The following ACTR3 variants were observed in gnomAD, a reference collection of about 807,000 sequenced individuals.
ACTR3 encodes the protein actin related protein 3.
ACTR3 carries 12 observed loss-of-function variants against 56.8 expected under a neutral mutation model. The ratio of observed to expected loss-of-function variants is 0.21; its 90% CI spans 0.14 to 0.34. ACTR3 has a LOEUF of 0.34. ACTR3 is among the 10% of genes least tolerant of loss of function. ACTR3 has a pLI of 1.00. For synonymous variants in ACTR3, 162 were observed against 167.4 expected (o/e 0.97, Z 0.25); for missense variants, 282 against 512.5 (o/e 0.55, Z 4.34).
intron 3 of ACTR3, among the ~76,000 whole-genome samples, chr2:113,922,683 T>C (rs1054827974): frequency 5.3e-5 from 8 of 152,228 alleles, no homozygotes; most frequent in African/African-American, 1.2e-4. Flanking sequence ...TAATCAGCAT[T>C]CTGGATATAG....
intron 1 of ACTR3, among the ~76,000 whole-genome samples, chr2:113,898,959 T>C (rs1679054361): frequency 1.3e-5 from 2 of 152,300 alleles, no homozygotes; most frequent in Admixed American, 6.5e-5. Flanking sequence ...AGCTCACTGC[T>C]CTACTGTTCC....
chr2:113,907,407 A>G (rs1402708349), intron 1 of ACTR3, among the ~76,000 whole-genome samples: 2 of 152,032 alleles, frequency 1.3e-5, no homozygotes, highest in African/African-American at 2.4e-5. Flanking sequence ...GTGAGCTGCT[A>G]TGTCCAGCTG....
Position 113,961,560 on chromosome 2 carries a change from T to G in ACTR3, c.*4105T>G, listed in dbSNP as rs952181242. The G allele has an allele frequency of 2.6e-5, 4 of 152,014 alleles. No homozygotes were observed. Among genetic ancestry groups the G allele is most frequent in the Non-Finnish European group, 4.4e-5 (3 of 67,888 alleles). 9.4% of individuals were successfully genotyped at this position (152,014 alleles called of 1,614,324 possible). On this transcript the variant is annotated 3_prime_UTR_variant, in exon 12 of 12. Transcript: ENST00000263238. ...ACTAAGATGCTGAATTAAAATAAAG[T>G]TTCTCTTTTATTCAAGCACCAACAT...
chr2:113,913,581 T>C (rs1307167342), intron 2 of ACTR3, among the ~76,000 whole-genome samples: 3 of 152,222 alleles, frequency 2.0e-5, no homozygotes, highest in African/African-American at 7.2e-5. Context: ...AAGACTGTCC[T>C]TTGGTTTGTG....
At chr2:113,920,536 A>T (rs781650809) in intron 3 of ACTR3, among the ~76,000 whole-genome samples, 1 of 152,232 alleles carries the variant, frequency 6.6e-6, no homozygotes, top group Non-Finnish European at 1.5e-5. Flanking sequence ...CTGAAAATAT[A>T]TAATAAATTA....
intron 8 of ACTR3, among the ~76,000 whole-genome samples, chr2:113,944,002 G>A (rs1175999996): frequency 6.6e-6 from 1 of 152,170 alleles, no homozygotes; most frequent in Non-Finnish European, 1.5e-5. Flanking sequence ...AGAGGTAGAA[G>A]CCAAGCTAAA....
chr2:113,950,161 A>G (rs533616462), intron 8 of ACTR3, among the ~76,000 whole-genome samples: 16 of 152,294 alleles, frequency 1.1e-4, no homozygotes, highest in Middle Eastern at 3.4e-3. Context: ...TTCTTTTTAA[A>G]GGCACTGCAT....
intron 1 of ACTR3, among the ~76,000 whole-genome samples, chr2:113,901,395 T>C (rs1157727857): frequency 6.6e-6 from 1 of 152,238 alleles, no homozygotes; most frequent in African/African-American, 2.4e-5. Flanking sequence ...ATTACCTTTT[T>C]GGGCTTTGGT....
intron 1 of ACTR3, chr2:113,903,959 C>G (rs1034722773): frequency 6.6e-6 from 1 of 152,194 alleles, no homozygotes; most frequent in African/African-American, 2.4e-5. Context: ...TGGGTTCATG[C>G]CATTCTCCCG....
rs1679264180 is a variant in ACTR3 at position 113,909,608 on chromosome 2, TG to T, written c.45-3563del. ...TTTTAAGTTGTGATAAAAGTTTTTT[TG>T]TTGTTGTTGTTGTTTTTTTTTTTTT... On this transcript the variant is annotated intron_variant, in intron 1 of 11. Coordinates refer to ENST00000263238, the MANE Select transcript of ACTR3 (RefSeq NM_005721.5). Among the ~76,000 whole-genome samples the T allele has an allele frequency of 3.2e-5, 4 of 126,338 alleles. No individual in the cohort carries two copies. The South Asian group carries it at 1.0e-3, about 33-fold the overall frequency. 82.9% of individuals were successfully genotyped at this position (126,338 alleles called of 152,430 possible).
intron 8 of ACTR3, 61 bp downstream of exon 8, chr2:113,942,420 T>C: frequency 8.6e-7 from 1 of 1,164,316 alleles, no homozygotes; most frequent in South Asian, 2.5e-5. Flanking sequence ...TTAATAGATA[T>C]TCAGAGAGAA....
At chr2:113,893,537 C>A (rs185344242) in intron 1 of ACTR3, among the ~76,000 whole-genome samples, 3 of 152,234 alleles carry the variant, frequency 2.0e-5, no homozygotes, top group African/African-American at 7.2e-5. Flanking sequence ...CGTGATCCAC[C>A]CGCCTCAACC....
intron 3 of ACTR3, among the ~76,000 whole-genome samples, chr2:113,922,192 G>A (rs1338811648): frequency 6.6e-6 from 1 of 152,078 alleles, no homozygotes; most frequent in Non-Finnish European, 1.5e-5. Flanking sequence ...TGATTGGGAG[G>A]GAGAGAGAGA....
chr2:113,898,517 T>C (rs1430455641), intron 1 of ACTR3, among the ~76,000 whole-genome samples: 2 of 152,210 alleles, frequency 1.3e-5, no homozygotes, highest in South Asian at 4.1e-4. Flanking sequence ...ATTTTATTTA[T>C]AGTTAAAGTA....
chr2:113,900,093 AATTC>A (rs1289077216), intron 1 of ACTR3, among the ~76,000 whole-genome samples: 5 of 152,158 alleles, frequency 3.3e-5, no homozygotes, highest in African/African-American at 1.2e-4. Context: ...ATTGAGTTAT[AATTC>A]ACATACTGTA....
At chr2:113,890,085 C>T (rs888290223), upstream of ACTR3, 1 of 642,170 alleles carries the variant, frequency 1.6e-6, no homozygotes, top group Non-Finnish European at 2.7e-6. Flanking sequence ...GCCTGCCTGC[C>T]TGGGTTGCGG....
At chr2:113,949,529 A>G (rs1680083842) in intron 8 of ACTR3, among the ~76,000 whole-genome samples, 1 of 152,138 alleles carries the variant, frequency 6.6e-6, no homozygotes, top group Admixed American at 6.5e-5. Flanking sequence ...GGAGATATAC[A>G]ATACTTGTTT....
intron 2 of ACTR3, among the ~76,000 whole-genome samples, chr2:113,914,763 A>C (rs2104594611): frequency 6.6e-6 from 1 of 152,258 alleles, no homozygotes; most frequent in East Asian, 1.9e-4. Context: ...ATTTTGATAC[A>C]CTTTTCTAGG....
chr2:113,929,662 A>G (rs760848768), intron 4 of ACTR3, among the ~76,000 whole-genome samples: 1 of 151,634 alleles, frequency 6.6e-6, no homozygotes, highest in Admixed American at 6.6e-5. Flanking sequence ...GCTCTATTCA[A>G]GATTTGGCTT....
Sources: allele counts gnomAD v4.1 joint callset (sites outside exome capture counted in the v4.1 genomes callset), GRCh38; gene constraint gnomAD v4.1.1; transcripts MANE v1.5; gene names NCBI Gene and HGNC (gene_info 2026-07-23, HGNC 2026-07-21).